PREX2: variants seen among roughly 807,000 people sequenced by gnomAD.
PREX2 encodes phosphatidylinositol-3,4,5-trisphosphate dependent Rac exchange factor 2, also known as phosphatidylinositol 3,4,5-trisphosphate-dependent Rac exchanger 2 protein.
Under a neutral mutation model 203.2 loss-of-function variants are expected in PREX2, and 107 were observed. That is an observed-to-expected ratio of 0.53 (90% CI 0.45 to 0.62). The LOEUF (loss-of-function observed/expected upper bound fraction) is 0.62. PREX2 is among the 20% of genes least tolerant of loss of function. PREX2 has a pLI of 0.00. For synonymous variants in PREX2, 672 were observed against 663.6 expected (o/e 1.01, Z -0.19); for missense variants, 1,777 against 1,955.9 (o/e 0.91, Z 1.72).
Position 68,114,313 on chromosome 8 carries a change from C to T in PREX2, c.3147-1440C>T, listed in dbSNP as rs575531077. 6.3e-5 allele frequency: 32 copies of T among 510,114 alleles called. 1 individual carries two copies. The highest frequency in any genetic ancestry group is 3.5e-4 in the African/African-American group (18 of 51,972). 31.6% of individuals were successfully genotyped at this position (510,114 alleles called of 1,614,324 possible). ...AATATGCGTAAGAGGTATAAGATAT[C>T]GTCACCGTCTTGAAATAACAAACAT... On this transcript the variant is annotated intron_variant, in intron 25 of 39. Coordinates refer to ENST00000288368, the MANE Select transcript of PREX2 (RefSeq NM_024870.4).
chr8:68,094,539 T>A (rs1244289452), intron 21 of PREX2, among the ~76,000 whole-genome samples: 3 of 152,230 alleles, frequency 2.0e-5, no homozygotes, highest in Non-Finnish European at 4.4e-5. Context: ...TCAAAACGTT[T>A]TCACAGAAGC....
Position 68,218,929 on chromosome 8 carries a change from T to C in PREX2, c.4707+1211T>C, listed in dbSNP as rs116052002. ...TGGAAAGGGTAAACACAGATGTGAT[T>C]TGCCAGCAGGTTTAGGAAGGACTTT... On this transcript the variant is annotated intron_variant, in intron 38 of 39. Transcript: ENST00000288368. Among the ~76,000 whole-genome samples the C allele has an allele frequency of 5.9e-3, 899 of 152,340 alleles. 10 individuals are homozygous for C. The highest frequency in any genetic ancestry group is 0.02 in the African/African-American group (845 of 41,562).
intron 10 of PREX2, among the ~76,000 whole-genome samples, chr8:68,056,549 T>C (rs1808685111): frequency 6.6e-6 from 1 of 152,100 alleles, no homozygotes; most frequent in African/African-American, 2.4e-5. Flanking sequence ...CAACATTAAG[T>C]GGGATTCCCT....
In PREX2 at chr8:68,069,849, T is replaced by C. The variant is rs751988399; in HGVS notation, c.1458T>C (p.Tyr486=). Residue 486 remains tyrosine, a synonymous_variant, in exon 13 of 40, where the codon TAT becomes TAC. Coordinates refer to ENST00000288368, the MANE Select transcript of PREX2 (RefSeq NM_024870.4). ...ATTTTACGTAGGGTGTAAGATTATA[T>C]TGTCGTCTTCATAGCCTTTTTACTC... is the stretch of plus-strand genomic sequence containing the variant. ...QDVISKGVRL[Y]CRLHSLFTPV... 3 of 1,550,868 alleles carry C rather than the reference T, an allele frequency of 1.9e-6. No individual in the cohort carries two copies. Among genetic ancestry groups the C allele is most frequent in the African/African-American group, 1.4e-5 (1 of 73,442 alleles).
chr8:68,048,807 T>C (rs977027609), intron 8 of PREX2, among the ~76,000 whole-genome samples: 2 of 152,062 alleles, frequency 1.3e-5, no homozygotes, highest in African/African-American at 4.8e-5. Context: ...ACCTGTATTA[T>C]CTCAATGATC....
intron 6 of PREX2, among the ~76,000 whole-genome samples, chr8:68,036,279 C>T (rs1354314100): frequency 6.6e-6 from 1 of 152,068 alleles, no homozygotes; most frequent in African/African-American, 2.4e-5. Flanking sequence ...ATAGTTAGCT[C>T]AATTTTATAC....
chr8:68,192,604 AC>A (rs1427634721), intron 37 of PREX2, 79 bp downstream of exon 37: 1 of 1,151,804 alleles, frequency 8.7e-7, no homozygotes, highest in Non-Finnish European at 1.2e-6. Context: ...TTTTGGCTTC[AC>A]AAAATTAAAA....
At chr8:68,130,194 G>A (rs953574479) in intron 31 of PREX2, among the ~76,000 whole-genome samples, 2 of 151,992 alleles carry the variant, frequency 1.3e-5, no homozygotes, top group African/African-American at 4.8e-5. Flanking sequence ...GGAGGCCAAG[G>A]TAGGAGGATC....
intron 2 of PREX2, 32 bp downstream of exon 2, chr8:68,017,949 C>G: frequency 6.4e-7 from 1 of 1,557,470 alleles, no homozygotes; most frequent in Non-Finnish European, 8.8e-7. Flanking sequence ...TCAACCTGAG[C>G]ATGAGTTTCC....
chr8:68,018,295 C>A (rs536857287), intron 2 of PREX2, among the ~76,000 whole-genome samples: 2 of 151,918 alleles, frequency 1.3e-5, no homozygotes, highest in South Asian at 4.2e-4. Flanking sequence ...TGGAGAAACC[C>A]CGTCTCTACT....
chr8:68,090,947 C>G (rs1809855205), intron 20 of PREX2, among the ~76,000 whole-genome samples: 1 of 152,214 alleles, frequency 6.6e-6, no homozygotes, highest in Admixed American at 6.5e-5. Context: ...AAAAAGTGAT[C>G]TGGGGTATTT....
At chr8:68,188,348 A>G (rs149551918) in intron 35 of PREX2, among the ~76,000 whole-genome samples, 15 of 152,342 alleles carry the variant, frequency 9.8e-5, no homozygotes, top group South Asian at 6.2e-4. Flanking sequence ...CCCACTTCAA[A>G]TGAACTTACA....
intron 13 of PREX2, among the ~76,000 whole-genome samples, chr8:68,071,098 T>C (rs1032814326): frequency 6.6e-6 from 1 of 152,136 alleles, no homozygotes; most frequent in African/African-American, 2.4e-5. Flanking sequence ...AACCTGTGTA[T>C]ATGTAGGTTT....
intron 1 of PREX2, among the ~76,000 whole-genome samples, chr8:67,967,512 A>G (rs957442585): frequency 6.6e-6 from 1 of 152,216 alleles, no homozygotes; most frequent in Non-Finnish European, 1.5e-5. Flanking sequence ...CCAACATTCA[A>G]ATTCATCATG....
At chr8:68,056,344 G>C (rs1024371312) in intron 10 of PREX2, among the ~76,000 whole-genome samples, 74 of 152,266 alleles carry the variant, frequency 4.9e-4, no homozygotes, top group African/African-American at 1.6e-3. Context: ...GAATCAGAAA[G>C]AAAGGAAAGA....
chr8:68,121,056 A>G lies in PREX2; in HGVS notation c.3724+7A>G, dbSNP rs1055299335. ...ATCAGGAAATTTGTTGAAGGTCAGC[A>G]TGAAAAGCAAAGAACATTGCATGAT... On this transcript the variant is annotated splice_region_variant and intron_variant, in intron 30 of 39. Coordinates refer to ENST00000288368, the MANE Select transcript of PREX2 (RefSeq NM_024870.4). 3 of 1,612,674 alleles carry G rather than the reference A, an allele frequency of 1.9e-6. No homozygotes were observed. The highest frequency in any genetic ancestry group is 1.7e-4 in the Middle Eastern group (1 of 6,058).
At chr8:68,207,564 C>CTGG (rs34950308) in intron 37 of PREX2, among the ~76,000 whole-genome samples, 6,754 of 151,904 alleles carry the variant, frequency 0.044, 475 homozygotes, top group African/African-American at 0.15. Flanking sequence ...CCAGTACAGC[C>CTGG]TGGTGGTGGT....
chr8:68,126,640 CT>C (rs957666154), intron 30 of PREX2, among the ~76,000 whole-genome samples: 28 of 151,960 alleles, frequency 1.8e-4, no homozygotes, highest in African/African-American at 4.3e-4. Flanking sequence ...ATAACTTAAT[CT>C]TTTTTTTCCC....
intron 13 of PREX2, among the ~76,000 whole-genome samples, chr8:68,071,778 AG>A (rs1204706824): frequency 5.9e-5 from 9 of 152,086 alleles, no homozygotes; most frequent in African/African-American, 2.2e-4. Flanking sequence ...AAAGAATAAC[AG>A]GTTCTTAGTG....
Sources: allele counts gnomAD v4.1 joint callset (sites outside exome capture counted in the v4.1 genomes callset), GRCh38; gene constraint gnomAD v4.1.1; transcripts MANE v1.5; gene names NCBI Gene and HGNC (gene_info 2026-07-23, HGNC 2026-07-21).